Variants in MAP2K5 observed in about 807,000 individuals in gnomAD.
The protein encoded by MAP2K5 is mitogen-activated protein kinase kinase 5.
Under a neutral mutation model 83.1 loss-of-function variants are expected in MAP2K5, and 49 were observed. The observed-to-expected ratio is 0.59, with a 90% CI of 0.47 to 0.75. The LOEUF is 0.75. Among genes scored for constraint, MAP2K5 ranks in the 30% least tolerant of loss-of-function variants. The pLI is 0.00. For missense variants in MAP2K5, 457 were observed against 557.5 expected, an observed-to-expected ratio of 0.82 and a Z score of 1.82; for synonymous variants, 202 against 191.8, an observed-to-expected ratio of 1.05 and a Z score of -0.44.
At chr15:67,804,246 T>C (rs913887114) in intron 21 of MAP2K5, among the ~76,000 whole-genome samples, 1 of 152,192 alleles carries the variant, frequency 6.6e-6, no homozygotes, top group African/African-American at 2.4e-5. Flanking sequence ...TGCCAGCAGC[T>C]ACCAAGTCCA....
intron 7 of MAP2K5, 93 bp downstream of exon 7, chr15:67,593,067 C>A (rs749992778): frequency 1.3e-6 from 1 of 773,070 alleles, no homozygotes; most frequent in Non-Finnish European, 2.1e-6. Flanking sequence ...GATAAAGAGT[C>A]TGTGAGTTTC....
At chr15:67,735,413 G>C (rs1186368347) in intron 17 of MAP2K5, among the ~76,000 whole-genome samples, 1 of 152,212 alleles carries the variant, frequency 6.6e-6, no homozygotes, top group Admixed American at 6.5e-5. Context: ...GTTTGATTCT[G>C]TAGTACCTTC....
intron 8 of MAP2K5, among the ~76,000 whole-genome samples, chr15:67,619,613 G>C (rs968326654): frequency 6.6e-6 from 1 of 152,188 alleles, no homozygotes; most frequent in African/African-American, 2.4e-5. Context: ...AGAATTTACA[G>C]CATAGTTAGG....
At chr15:67,699,128 GT>G (rs74409681) in intron 15 of MAP2K5, among the ~76,000 whole-genome samples, 3,241 of 144,042 alleles carry the variant, frequency 0.023, 98 homozygotes, top group African/African-American at 0.072. Flanking sequence ...TGCTAGCTAA[GT>G]TTTTTTTTTT....
intron 13 of MAP2K5, among the ~76,000 whole-genome samples, chr15:67,680,178 G>A (rs903750946): frequency 6.6e-6 from 1 of 152,126 alleles, no homozygotes; most frequent in Non-Finnish European, 1.5e-5. Flanking sequence ...TTGTTGAATA[G>A]TATTCCATTG....
At chr15:67,671,647 C>T (rs962907772) in intron 13 of MAP2K5, among the ~76,000 whole-genome samples, 5 of 151,410 alleles carry the variant, frequency 3.3e-5, no homozygotes, top group Non-Finnish European at 5.9e-5. Context: ...AGCAAGAACA[C>T]GTTTTTTTTT....
Position 67,769,688 on chromosome 15 carries a change from T to G in MAP2K5, c.1196+25T>G. 1 of 1,611,506 alleles carries G rather than the reference T, an allele frequency of 6.2e-7. No individual in the cohort carries two copies. Among genetic ancestry groups the G allele is most frequent in the South Asian group, 1.1e-5 (1 of 90,954 alleles). ...GGTGAGCCCGTTTACAAACATGCCA[T>G]GCCCTCAATGTAAATGATACATGCC... On this transcript the variant is annotated intron_variant, in intron 20 of 21. Transcript: ENST00000178640. This position sits in a 1 kb window ranked among gnomAD's most constrained non-coding sequence, Gnocchi z 5.2.
Position 67,738,521 on chromosome 15 carries a change from C to T in MAP2K5, c.1075-9710C>T, listed in dbSNP as rs930703070. On this transcript the variant is annotated intron_variant, in intron 17 of 21. Coordinates refer to ENST00000178640, the MANE Select transcript of MAP2K5 (RefSeq NM_145160.3). This position sits in a 1 kb window ranked among gnomAD's most constrained non-coding sequence, Gnocchi z 4.1. ...AGTATATGATTTCTACCCAAACATA[C>T]GCACAGAGCTAACCTGAGTTCTGGT... is the stretch of plus-strand genomic sequence containing the variant. 1.6e-4 allele frequency among the ~76,000 whole-genome samples: 25 copies of T among 152,320 alleles called. No individual in the cohort carries two copies. Among genetic ancestry groups the T allele is most frequent in the South Asian group, 4.1e-4 (2 of 4,826 alleles).
intron 9 of MAP2K5, among the ~76,000 whole-genome samples, chr15:67,631,509 C>T (rs2086472882): frequency 6.6e-6 from 1 of 152,178 alleles, no homozygotes; most frequent in Non-Finnish European, 1.5e-5. Flanking sequence ...CTGCCTTCCT[C>T]AATCATGTAC....
At chr15:67,635,009 A>G (rs749677444) in intron 9 of MAP2K5, among the ~76,000 whole-genome samples, 10 of 152,100 alleles carry the variant, frequency 6.6e-5, no homozygotes, top group Admixed American at 1.3e-4. Context: ...TTTAGAATTC[A>G]TAACTTAACA....
intron 8 of MAP2K5, among the ~76,000 whole-genome samples, chr15:67,630,350 T>C (rs967227379): frequency 3.9e-5 from 6 of 152,226 alleles, no homozygotes; most frequent in African/African-American, 1.4e-4. Context: ...TTATATTTAT[T>C]GATTTAAGTT....
In MAP2K5 at chr15:67,634,367, CAAAAAAAAAAAAAAAAAAAAA is replaced by C. The variant is rs71142390; in HGVS notation, c.585+3462_585+3482del. Among the ~76,000 whole-genome samples the C allele has an allele frequency of 7.1e-3, 347 of 48,556 alleles. 4 individuals carry two copies. The highest frequency in any genetic ancestry group is 0.021 in the African/African-American group (296 of 14,100). 31.9% of individuals were successfully genotyped at this position (48,556 alleles called of 152,430 possible). ...TGGGTGACAGAGTAAGACCTCATCT[CAAAAAAAAAAAAAAAAAAAAA>C]AAAAAAAAAAAAAAAAAAAAAGAAT... is the stretch of plus-strand genomic sequence containing the variant. On this transcript the variant is annotated intron_variant, in intron 9 of 21. Transcript: ENST00000178640.
At position 67,726,431 on chromosome 15, in the gene MAP2K5, T is replaced by C. The variant is rs553325106; in HGVS notation, c.1045-1485T>C. On this transcript the variant is annotated intron_variant, in intron 16 of 21. Transcript: ENST00000178640. ...AACCTTAGTCTACAAATAATTTACATGATGAACAAGCTGAGGGGTATAATT... is the reference window on the plus strand; with the variant it reads ...AACCTTAGTCTACAAATAATTTACACGATGAACAAGCTGAGGGGTATAATT... Among the ~76,000 whole-genome samples the C allele has an allele frequency of 8.5e-5, 13 of 152,352 alleles. No individual in the cohort carries two copies. The East Asian group carries it at 1.7e-3, about 20-fold the overall frequency.
chr15:67,659,902 C>T (rs887834129), intron 12 of MAP2K5, among the ~76,000 whole-genome samples: 10 of 152,126 alleles, frequency 6.6e-5, no homozygotes, highest in Non-Finnish European at 1.3e-4. Flanking sequence ...CCTATCTTTT[C>T]AGTTCTACTG....
intron 3 of MAP2K5, among the ~76,000 whole-genome samples, chr15:67,567,616 G>A (rs77130374): frequency 7.9e-5 from 12 of 151,016 alleles, no homozygotes; most frequent in Admixed American, 4.0e-4. Context: ...CACCCGCCTC[G>A]GCCTCCCAAA....
chr15:67,704,130 G>A (rs1486669443), intron 16 of MAP2K5, among the ~76,000 whole-genome samples: 2 of 152,074 alleles, frequency 1.3e-5, no homozygotes, highest in Non-Finnish European at 2.9e-5. Context: ...ACAAAAAAAT[G>A]CATGTAACTT....
In MAP2K5 at chr15:67,590,446, C is replaced by CTCTCTCTCTCG. The variant is rs1555529574; in HGVS notation, c.432-2480_432-2479insTCTCTCTCTCG. Among the ~76,000 whole-genome samples, 2 of 30,544 alleles carry CTCTCTCTCTCG rather than the reference C, an allele frequency of 6.5e-5. 1 individual carries two copies. The allele number at this position is 30,544 out of a possible 152,430, so 20.0% of individuals were successfully genotyped here. On this transcript the variant is annotated intron_variant, in intron 6 of 21. Transcript: ENST00000178640. ...CCCTCCCTCTCTCTCTCCCTCCCTC[C>CTCTCTCTCTCG]CTCTCTCTCTCTCTCTCTCTCTCTC... is the stretch of plus-strand genomic sequence containing the variant.
At chr15:67,615,610 G>A (rs930888871) in intron 8 of MAP2K5, among the ~76,000 whole-genome samples, 3 of 152,008 alleles carry the variant, frequency 2.0e-5, no homozygotes, top group Non-Finnish European at 2.9e-5. Context: ...TCCTAAACGT[G>A]TTAATAAAAT....
chr15:67,682,977 T>C (rs1157644371), intron 13 of MAP2K5, among the ~76,000 whole-genome samples: 2 of 151,744 alleles, frequency 1.3e-5, no homozygotes, highest in African/African-American at 2.4e-5. Context: ...CCATCTCTAC[T>C]AAAAATAACA....
Sources: gnomAD v4.1 joint callset for allele counts (sites outside exome capture counted in the v4.1 genomes callset) on GRCh38, gnomAD v4.1.1 for gene constraint, Gnocchi (gnomAD v3.1) non-coding constraint, MANE v1.5 for transcripts, NCBI Gene and HGNC (gene_info 2026-07-23, HGNC 2026-07-21) for gene names.